The following ACVR1C variants were observed in gnomAD, a reference collection of about 807,000 sequenced individuals.
ACVR1C encodes the protein activin A receptor type 1C, also known as activin receptor type-1C.
In ACVR1C, 23 loss-of-function variants were observed where a neutral mutation model predicts 57.9. That is an observed-to-expected ratio of 0.40 (90% CI 0.29 to 0.56). ACVR1C has a LOEUF of 0.56. Ranked by LOEUF, ACVR1C falls within the 20% of genes least tolerant of loss-of-function variation. The pLI is 0.50. For missense variants in ACVR1C, 480 were observed against 607.9 expected (o/e 0.79, Z 2.21); for synonymous variants, 214 against 215.3 (o/e 0.99, Z 0.05).
rs1381005290 is a variant in ACVR1C at position 157,528,485 on chromosome 2, T to C, written c.*5433A>G. The C allele has an allele frequency of 1.3e-5, 2 of 152,176 alleles. No individual in the cohort carries two copies. Among genetic ancestry groups the C allele is most frequent in the Admixed American group, 1.3e-4 (2 of 15,274 alleles). The allele number at this position is 152,176 out of a possible 1,614,324, so 9.4% of individuals were successfully genotyped here. ...TCATATTCTCTCGAATGTATTCATC[T>C]ACAACTGAAAGAGAAAAGTATGCTG... On this transcript the variant is annotated 3_prime_UTR_variant, in exon 9 of 9. Coordinates refer to ENST00000243349, the MANE Select transcript of ACVR1C (RefSeq NM_145259.3).
intron 8 of ACVR1C, among the ~76,000 whole-genome samples, chr2:157,536,140 A>T (rs1056399064): frequency 6.6e-6 from 1 of 152,250 alleles, no homozygotes; most frequent in Non-Finnish European, 1.5e-5. Flanking sequence ...TGACACAAAT[A>T]TAGAAAATAT....
At chr2:157,566,224 C>T (rs1481642206) in intron 2 of ACVR1C, among the ~76,000 whole-genome samples, 1 of 152,100 alleles carries the variant, frequency 6.6e-6, no homozygotes, top group African/African-American at 2.4e-5. Context: ...GAAGCAGCAC[C>T]CATATCTCAA....
intron 1 of ACVR1C, chr2:157,597,398 G>A: frequency 2.0e-6 from 2 of 985,524 alleles, no homozygotes; most frequent in Non-Finnish European, 2.4e-6. Flanking sequence ...CTCCCCCAGA[G>A]CAGCGGCCAG....
Position 157,530,632 on chromosome 2 carries a change from C to T in ACVR1C, c.*3286G>A, listed in dbSNP as rs1295500065. ...TTTTAATTTTTTCAGATACTGCAAC[C>T]AGGTTACTATTTTCATACAATCATG... On this transcript the variant is annotated 3_prime_UTR_variant, in exon 9 of 9. Transcript: ENST00000243349. 6.6e-6 allele frequency: 1 copy of T among 151,890 alleles called. No individual in the cohort carries two copies. Among genetic ancestry groups the T allele is most frequent in the Non-Finnish European group, 1.5e-5 (1 of 67,976 alleles). 9.4% of individuals were successfully genotyped at this position (151,890 alleles called of 1,614,324 possible).
intron 1 of ACVR1C, among the ~76,000 whole-genome samples, chr2:157,625,565 G>A (rs1254169764): frequency 8.5e-6 from 1 of 117,474 alleles, no homozygotes; most frequent in African/African-American, 3.2e-5. Context: ...ACTCTTAGTG[G>A]AAACTGCTAA....
intron 1 of ACVR1C, among the ~76,000 whole-genome samples, chr2:157,606,777 A>T (rs1175613788): frequency 1.3e-5 from 2 of 151,740 alleles, no homozygotes; most frequent in Non-Finnish European, 3.0e-5. Flanking sequence ...CACTCTGTTG[A>T]TTGTTTCTTT....
At position 157,612,977 on chromosome 2, in the gene ACVR1C, C is replaced by T. The variant is rs148277545; in HGVS notation, c.73+15595G>A. Among the ~76,000 whole-genome samples, 31 of 152,312 alleles carry T rather than the reference C, an allele frequency of 2.0e-4. No homozygotes were observed. In the East Asian group the frequency reaches 5.8e-3, roughly 28 times the overall value. ...GTGTGACCCAGTACAAGTTCCCTGTCTAGTGTAATGTTCCCGCAGAGTCTC... is the reference window on the plus strand; with the variant it reads ...GTGTGACCCAGTACAAGTTCCCTGTTTAGTGTAATGTTCCCGCAGAGTCTC... On this transcript the variant is annotated intron_variant, in intron 1 of 8. Transcript: ENST00000243349.
At chr2:157,566,450 C>T (rs570652990) in intron 2 of ACVR1C, among the ~76,000 whole-genome samples, 5 of 152,308 alleles carry the variant, frequency 3.3e-5, no homozygotes, top group East Asian at 3.9e-4. Flanking sequence ...TCTGAGGTAC[C>T]GGGTTCATCT....
chr2:157,628,268 T>C (rs1366391756), intron 1 of ACVR1C, among the ~76,000 whole-genome samples: 1 of 152,046 alleles, frequency 6.6e-6, no homozygotes, highest in Admixed American at 6.5e-5. Context: ...TTTTCTCCGC[T>C]GCAAACTGCC....
intron 6 of ACVR1C, among the ~76,000 whole-genome samples, chr2:157,541,696 T>C (rs932106384): frequency 1.3e-5 from 2 of 152,182 alleles, no homozygotes; most frequent in African/African-American, 4.8e-5. Context: ...AGAAGTTCCT[T>C]AGGGCTGCCC....
chr2:157,573,663 G>C (rs1048664686), intron 2 of ACVR1C, among the ~76,000 whole-genome samples: 1 of 152,108 alleles, frequency 6.6e-6, no homozygotes, highest in South Asian at 2.1e-4. Context: ...TCTAGCCCAG[G>C]CTTCCTGATC....
At chr2:157,603,909 G>A (rs1682334124) in intron 1 of ACVR1C, among the ~76,000 whole-genome samples, 1 of 151,954 alleles carries the variant, frequency 6.6e-6, no homozygotes, top group African/African-American at 2.4e-5. Context: ...AACTGCATAT[G>A]GCAAAAAAAT....
chr2:157,566,553 C>T (rs962149840), intron 2 of ACVR1C, among the ~76,000 whole-genome samples: 3 of 152,092 alleles, frequency 2.0e-5, no homozygotes, highest in Admixed American at 6.5e-5. Flanking sequence ...ACCTGGGAAG[C>T]ACAAGGGGTC....
chr2:157,593,864 G>C (rs1682007666), intron 1 of ACVR1C, among the ~76,000 whole-genome samples: 1 of 152,094 alleles, frequency 6.6e-6, no homozygotes. Flanking sequence ...AACTTTTTTG[G>C]CCAAATGAGC....
chr2:157,541,851 G>C (rs1362941574), intron 6 of ACVR1C, among the ~76,000 whole-genome samples: 5 of 152,114 alleles, frequency 3.3e-5, no homozygotes, highest in Non-Finnish European at 7.4e-5. Flanking sequence ...CTACTCTCAA[G>C]GGCCTTTAAC....
rs1276994701 is a variant in ACVR1C at position 157,538,820 on chromosome 2, C to A, written c.1226-117G>T. On this transcript the variant is annotated intron_variant, in intron 7 of 8. Coordinates refer to ENST00000243349, the MANE Select transcript of ACVR1C (RefSeq NM_145259.3). Reference sequence around the variant, plus strand: ...GTGACACCCCAGGGAACTGGAAAGTCAAGTTTATTAAAATAATGTGTCACT... The same window carrying A: ...GTGACACCCCAGGGAACTGGAAAGTAAAGTTTATTAAAATAATGTGTCACT... 3 of 768,378 alleles carry A rather than the reference C, an allele frequency of 3.9e-6. No individual in the cohort carries two copies. In the Admixed American group the frequency reaches 1.3e-4, roughly 32 times the overall value. 47.6% of individuals were successfully genotyped at this position (768,378 alleles called of 1,614,324 possible). A position where few individuals can be genotyped will look rare whatever the true frequency, so the allele number is the denominator to read the frequency against.
At chr2:157,593,770 C>T (rs1223452636) in intron 1 of ACVR1C, among the ~76,000 whole-genome samples, 1 of 152,064 alleles carries the variant, frequency 6.6e-6, no homozygotes, top group Non-Finnish European at 1.5e-5. Context: ...CATTTCAAAG[C>T]ATTTGCCTTT....
chr2:157,535,381 T>C (rs565205936), intron 8 of ACVR1C, among the ~76,000 whole-genome samples: 54 of 152,170 alleles, frequency 3.5e-4, no homozygotes, highest in Non-Finnish European at 7.2e-4. Flanking sequence ...TTGTAAATAG[T>C]AGTTTTGGCC....
intron 1 of ACVR1C, among the ~76,000 whole-genome samples, chr2:157,607,422 T>C (rs1263946929): frequency 1.3e-5 from 2 of 151,762 alleles, no homozygotes; most frequent in Non-Finnish European, 3.0e-5. Flanking sequence ...GCTTTGCTCT[T>C]TTTGCTTAGA....
Sources: gnomAD v4.1 joint callset for allele counts (sites outside exome capture counted in the v4.1 genomes callset) on GRCh38, gnomAD v4.1.1 for gene constraint, MANE v1.5 for transcripts, NCBI Gene and HGNC (gene_info 2026-07-23, HGNC 2026-07-21) for gene names.